The following SHC3 variants were observed in gnomAD, a reference collection of about 807,000 sequenced individuals.
SHC3 encodes SHC adaptor protein 3, also known as SHC-transforming protein 3.
SHC3 carries 15 observed loss-of-function variants against 60.4 expected under a neutral mutation model. That is an observed-to-expected ratio of 0.25 (90% confidence interval 0.17 to 0.38). The LOEUF (loss-of-function observed/expected upper bound fraction) is 0.38. Ranked by LOEUF, SHC3 falls within the 10% of genes least tolerant of loss-of-function variation. The pLI is 1.00. For synonymous variants in SHC3, 294 were observed against 325.9 expected (o/e 0.90, Z 1.05); for missense variants, 677 against 786.1 (o/e 0.86, Z 1.66).
chr9:89,115,012 G>A lies in SHC3; in HGVS notation c.475-2386C>T, dbSNP rs150149061. 3.8e-3 allele frequency among the ~76,000 whole-genome samples: 573 copies of A among 152,156 alleles called. 2 individuals are homozygous for A. The highest frequency in any genetic ancestry group is 3.9e-3 in the Non-Finnish European group (268 of 67,986). ...TTATGGGAATACCAACAACACTACT[G>A]TCACAGGGTTATGTGACTCGCACAA... On this transcript the variant is annotated intron_variant, in intron 1 of 11. Coordinates refer to ENST00000375835, the MANE Select transcript of SHC3 (RefSeq NM_016848.6).
chr9:89,092,543 A>T (rs554388981), intron 2 of SHC3, among the ~76,000 whole-genome samples: 2 of 150,554 alleles, frequency 1.3e-5, no homozygotes, highest in East Asian at 2.0e-4. Flanking sequence ...TGTGAACCCC[A>T]GAAGCAGAGC....
At chr9:89,040,138 G>T (rs1483692100) in intron 10 of SHC3, among the ~76,000 whole-genome samples, 1 of 76,100 alleles carries the variant, frequency 1.3e-5, no homozygotes, top group Non-Finnish European at 2.7e-5. Context: ...ACCATCAGCA[G>T]CAGCATCACC....
Position 89,006,510 on chromosome 9 carries a change from C to G in SHC3, c.*6937G>C, listed in dbSNP as rs1200838271. On this transcript the variant is annotated 3_prime_UTR_variant, in exon 12 of 12. Coordinates refer to ENST00000375835, the MANE Select transcript of SHC3 (RefSeq NM_016848.6). ...GTGGTGAATTGGCAATACGCCAAGACATAGACTGTTACAGTAATTCTTTTT... is the reference window on the plus strand; with the variant it reads ...GTGGTGAATTGGCAATACGCCAAGAGATAGACTGTTACAGTAATTCTTTTT... The G allele has an allele frequency of 6.6e-6, 1 of 152,222 alleles. No homozygotes were observed. Among genetic ancestry groups the G allele is most frequent in the African/African-American group, 2.4e-5 (1 of 41,458 alleles). 9.4% of individuals were successfully genotyped at this position (152,222 alleles called of 1,614,324 possible). A position where few individuals can be genotyped will look rare whatever the true frequency, so the allele number is the denominator to read the frequency against.
chr9:89,138,866 G>A lies in SHC3; in HGVS notation c.475-26240C>T, dbSNP rs531247498. ...GCATAGAAAGGAGCTCTGTCAGGAG[G>A]CATCAGTATAGTAAGGGTGATTCAT... On this transcript the variant is annotated intron_variant, in intron 1 of 11. Transcript: ENST00000375835. Among the ~76,000 whole-genome samples, 4 of 152,288 alleles carry A rather than the reference G, an allele frequency of 2.6e-5. No individual in the cohort carries two copies. In the East Asian group the frequency reaches 7.7e-4, roughly 29 times the overall value.
chr9:89,071,255 G>T lies in SHC3; in HGVS notation c.730-3C>A. The T allele has an allele frequency of 6.2e-7, 1 of 1,614,066 alleles. No homozygotes were observed. The highest frequency in any genetic ancestry group is 8.5e-7 in the Non-Finnish European group (1 of 1,179,960). ...CGCATGTGGTGATTCGCTATGATCT[G>T]CCAGGCCCAAAACAAGAAACGAGAT... On this transcript the variant is annotated splice_region_variant and splice_polypyrimidine_tract_variant and intron_variant, in intron 4 of 11. Coordinates refer to ENST00000375835, the MANE Select transcript of SHC3 (RefSeq NM_016848.6).
chr9:89,153,960 T>C (rs2025943), intron 1 of SHC3, among the ~76,000 whole-genome samples: 135,018 of 152,142 alleles, frequency 0.89, 59,993 homozygotes, highest in East Asian at 0.98. Context: ...CTGACGACCT[T>C]ATAAACAGAG....
chr9:89,044,903 G>A (rs1824746950), intron 9 of SHC3, among the ~76,000 whole-genome samples: 1 of 152,216 alleles, frequency 6.6e-6, no homozygotes, highest in South Asian at 2.1e-4. Context: ...TCCAGGGCCT[G>A]TGAGAGACGT....
intron 1 of SHC3, among the ~76,000 whole-genome samples, chr9:89,129,378 C>A (rs1296443115): frequency 6.6e-6 from 1 of 152,228 alleles, no homozygotes; most frequent in Non-Finnish European, 1.5e-5. Flanking sequence ...CAAGGTAGGC[C>A]AACATTCAAA....
In SHC3 at chr9:89,170,766, C is replaced by T. The variant is rs137905297; in HGVS notation, c.474+7221G>A. ...TACAAAAATTAAAAATAACACAAAT[C>T]GAACAATGCAGTATAACAAATATTT... On this transcript the variant is annotated intron_variant, in intron 1 of 11. Transcript: ENST00000375835. Among the ~76,000 whole-genome samples, 5 of 152,174 alleles carry T rather than the reference C, an allele frequency of 3.3e-5. No individual in the cohort carries two copies. The East Asian group carries it at 5.8e-4, about 18-fold the overall frequency.
chr9:89,036,933 A>G (rs1480699606), intron 11 of SHC3, among the ~76,000 whole-genome samples: 1 of 147,224 alleles, frequency 6.8e-6, no homozygotes, highest in Non-Finnish European at 1.5e-5. Flanking sequence ...CACAAACACA[A>G]AATATGTTTT....
intron 1 of SHC3, among the ~76,000 whole-genome samples, chr9:89,116,295 G>A (rs1376050852): frequency 2.6e-5 from 4 of 152,140 alleles, no homozygotes; most frequent in Non-Finnish European, 4.4e-5. Flanking sequence ...CACAACAAAC[G>A]TTGCAGAGTT....
intron 4 of SHC3, among the ~76,000 whole-genome samples, chr9:89,072,311 C>A (rs1015708928): frequency 6.6e-6 from 1 of 152,138 alleles, no homozygotes; most frequent in African/African-American, 2.4e-5. Flanking sequence ...AACAACCATG[C>A]CTCTTCCAGA....
chr9:89,129,557 T>G (rs1826213102), intron 1 of SHC3, among the ~76,000 whole-genome samples: 2 of 152,144 alleles, frequency 1.3e-5, no homozygotes, highest in Non-Finnish European at 2.9e-5. Context: ...ACAGCAGATC[T>G]CTCGGCAGAA....
chr9:89,037,420 A>G lies in SHC3; in HGVS notation c.1656+573T>C, dbSNP rs1458023549. The G allele has an allele frequency of 1.2e-5, 8 of 676,578 alleles. No individual in the cohort carries two copies. The Admixed American group carries it at 1.5e-4, about 13-fold the overall frequency. 41.9% of individuals were successfully genotyped at this position (676,578 alleles called of 1,614,324 possible). ...TTCTTGGACTATGCCCCAGGTAAAG[A>G]TGAATGTCTTTCTTGACGGGAAGAT... On this transcript the variant is annotated intron_variant, in intron 11 of 11. Transcript: ENST00000375835.
intron 1 of SHC3, among the ~76,000 whole-genome samples, chr9:89,128,624 A>G (rs534925932): frequency 2.6e-5 from 4 of 152,196 alleles, no homozygotes; most frequent in Non-Finnish European, 5.9e-5. Flanking sequence ...CGCTGGTGAT[A>G]TTCAGGCAGA....
chr9:89,106,025 A>T lies in SHC3; in HGVS notation c.545+6531T>A, dbSNP rs187795650. Among the ~76,000 whole-genome samples the T allele has an allele frequency of 1.9e-3, 292 of 152,330 alleles. 4 individuals carry two copies. Among genetic ancestry groups the T allele is most frequent in the African/African-American group, 6.5e-3 (269 of 41,566 alleles). The stretch of plus-strand genomic sequence containing the variant: ...TGAACATCCACTATGTGCCAGGTGC[A>T]GCCACAGCACTTTCAGGTCTCATTT... On this transcript the variant is annotated intron_variant, in intron 2 of 11. Transcript: ENST00000375835.
At chr9:89,095,676 G>A (rs543797047) in intron 2 of SHC3, among the ~76,000 whole-genome samples, 23 of 151,900 alleles carry the variant, frequency 1.5e-4, no homozygotes, top group African/African-American at 4.4e-4. Context: ...CATTATTCCC[G>A]GGAAAGCCAC....
At chr9:89,127,157 C>T (rs902279664) in intron 1 of SHC3, among the ~76,000 whole-genome samples, 1 of 152,102 alleles carries the variant, frequency 6.6e-6, no homozygotes, top group Non-Finnish European at 1.5e-5. Flanking sequence ...GGGTTCAATT[C>T]CTGGCTTAAG....
At chr9:89,169,522 C>T (rs1036040901) in intron 1 of SHC3, among the ~76,000 whole-genome samples, 7 of 152,168 alleles carry the variant, frequency 4.6e-5, no homozygotes, top group Admixed American at 1.3e-4. Flanking sequence ...ACAGTCACCA[C>T]GTGCCAACTT....
Sources: allele counts gnomAD v4.1 joint callset (sites outside exome capture counted in the v4.1 genomes callset), GRCh38; gene constraint gnomAD v4.1.1; transcripts MANE v1.5; gene names NCBI Gene and HGNC (gene_info 2026-07-23, HGNC 2026-07-21).